Variants in WDR48 observed in about 807,000 individuals in gnomAD.
WDR48 encodes WD repeat-containing protein 48.
Under a neutral mutation model 94.0 loss-of-function variants are expected in WDR48, and 22 were observed. That is an observed-to-expected ratio of 0.23 (90% CI 0.17 to 0.33). WDR48 has a LOEUF of 0.33. WDR48 is among the 10% of genes least tolerant of loss of function. The pLI is 1.00. For synonymous variants in WDR48, 278 were observed against 280.5 expected (o/e 0.99, Z 0.09); for missense variants, 541 against 813.8 (o/e 0.66, Z 4.08).
chr3:39,071,273 C>A (rs1382607100), intron 7 of WDR48, among the ~76,000 whole-genome samples: 1 of 152,154 alleles, frequency 6.6e-6, no homozygotes, highest in Non-Finnish European at 1.5e-5. Flanking sequence ...ATTTTCTTAA[C>A]TGTAAGCCAG....
intron 17 of WDR48, among the ~76,000 whole-genome samples, chr3:39,093,597 A>G (rs1316334548): frequency 6.6e-6 from 1 of 152,182 alleles, no homozygotes; most frequent in Non-Finnish European, 1.5e-5. Flanking sequence ...TGGCCTCCCA[A>G]AGTGCTGAGA....
At chr3:39,064,714 A>G (rs550896766) in intron 2 of WDR48, among the ~76,000 whole-genome samples, 3 of 152,194 alleles carry the variant, frequency 2.0e-5, no homozygotes, top group African/African-American at 7.2e-5. Flanking sequence ...GTGTCTTTTT[A>G]GCAAGTTTTA....
At chr3:39,072,270 C>A (rs1014396675) in intron 7 of WDR48, among the ~76,000 whole-genome samples, 1 of 152,206 alleles carries the variant, frequency 6.6e-6, no homozygotes, top group Non-Finnish European at 1.5e-5. Flanking sequence ...GGCAGAGCCA[C>A]CTATCTTTTT....
Position 39,084,627 on chromosome 3 carries a change from A to G in WDR48, c.1282-18A>G. On this transcript the variant is annotated intron_variant, in intron 12 of 18. Coordinates refer to ENST00000302313, the MANE Select transcript of WDR48 (RefSeq NM_020839.4). ...AATATATTCAAATGGGATGCCACTA[A>G]GTTTTTTCTTTTGATAGATGTTAAC... 6.2e-7 allele frequency: 1 copy of G among 1,607,882 alleles called. No individual in the cohort carries two copies. Among genetic ancestry groups the G allele is most frequent in the Non-Finnish European group, 8.5e-7 (1 of 1,175,698 alleles).
Position 39,088,188 on chromosome 3 carries a change from A to G in WDR48, c.1535A>G (p.His512Arg), listed in dbSNP as rs753300311. 6.2e-7 allele frequency: 1 copy of G among 1,614,188 alleles called. No homozygotes were observed. Among genetic ancestry groups the G allele is most frequent in the South Asian group, 1.1e-5 (1 of 91,078 alleles). Reference protein sequence around the residue: ...KGNGYFQVPPHTPVIFGEAGG... With the variant: ...KGNGYFQVPPRTPVIFGEAGG... ...AATGGATATTTTCAAGTGCCCCCAC[A>G]TACACCCGTGATCTTTGGTGAAGCT... The change falls in exon 15 of 19, where the codon CAT becomes CGT. Residue 512 changes from histidine (H) to arginine (R), a missense_variant. Physicochemically the swap from His to Arg is conservative, Grantham distance 29. This residue lies in a region of WDR48 where 238 missense variants were observed against 285.3 expected (regional missense o/e 0.83). Transcript: ENST00000302313.
Position 39,089,258 on chromosome 3 carries a change from G to A in WDR48, c.1608G>A (p.Glu536=), listed in dbSNP as rs1361147037. 6.2e-7 allele frequency: 1 copy of A among 1,613,528 alleles called. No homozygotes were observed. The highest frequency in any genetic ancestry group is 2.2e-5 in the East Asian group (1 of 44,878). Residue 536 remains glutamate, a synonymous_variant, in exon 16 of 19, where the codon GAG becomes GAA. Transcript: ENST00000302313. ...FRLLCRDSGG[E]TESMLLNETV... ...TGCTCTGCCGAGATTCCGGGGGTGAGACTGAGTCTATGCTTCTTAATGAAA... is the reference window on the plus strand; with the variant it reads ...TGCTCTGCCGAGATTCCGGGGGTGAAACTGAGTCTATGCTTCTTAATGAAA...
intron 5 of WDR48, 78 bp from the exon 6 acceptor site, chr3:39,068,693 T>G: frequency 1.0e-6 from 1 of 978,160 alleles, no homozygotes; most frequent in Non-Finnish European, 1.6e-6. Context: ...CTAAATTGAA[T>G]AAACTTGCAG....
In WDR48 at chr3:39,088,062, A is replaced by G. The variant is rs925572257; in HGVS notation, c.1475-66A>G. The G allele has an allele frequency of 9.5e-6, 14 of 1,471,260 alleles. No individual in the cohort carries two copies. The African/African-American group carries it at 9.7e-5, about 10-fold the overall frequency. The allele number at this position is 1,471,260 out of a possible 1,614,324, so 91.1% of individuals were successfully genotyped here. On this transcript the variant is annotated intron_variant, in intron 14 of 18. Coordinates refer to ENST00000302313, the MANE Select transcript of WDR48 (RefSeq NM_020839.4). The stretch of plus-strand genomic sequence containing the variant: ...TGCAATGTTTGAAGCTTGTGGGAGT[A>G]AAATGTTTAGAATCTGTATTTTTAG...
chr3:39,095,229 C>T lies in WDR48; in HGVS notation c.*486C>T, dbSNP rs535553552. Reference sequence around the variant, plus strand: ...TCATATAAAGTAATCAAATTGTTTTCACCGTTTAAGACAGTTATTTTTAAT... The same window carrying T: ...TCATATAAAGTAATCAAATTGTTTTTACCGTTTAAGACAGTTATTTTTAAT... On this transcript the variant is annotated 3_prime_UTR_variant, in exon 19 of 19. Coordinates refer to ENST00000302313, the MANE Select transcript of WDR48 (RefSeq NM_020839.4). 144 of 157,222 alleles carry T rather than the reference C, an allele frequency of 9.2e-4. No individual in the cohort carries two copies. Among genetic ancestry groups the T allele is most frequent in the Non-Finnish European group, 1.5e-3 (106 of 70,900 alleles). The allele number at this position is 157,222 out of a possible 1,614,324, so 9.7% of individuals were successfully genotyped here. A position where few individuals can be genotyped will look rare whatever the true frequency, so the allele number is the denominator to read the frequency against.
chr3:39,052,285 G>A lies in WDR48; in HGVS notation c.48+212G>A, dbSNP rs1453958788. 3.3e-5 allele frequency: 17 copies of A among 520,496 alleles called. No individual in the cohort carries two copies. The East Asian group carries it at 5.1e-4, about 16-fold the overall frequency. 32.2% of individuals were successfully genotyped at this position (520,496 alleles called of 1,614,324 possible). On this transcript the variant is annotated intron_variant, in intron 1 of 18. Coordinates refer to ENST00000302313, the MANE Select transcript of WDR48 (RefSeq NM_020839.4). The stretch of plus-strand genomic sequence containing the variant: ...CTTGGCCCTTGGGGCCCAGGCCCGG[G>A]ACCCTCGTGGGCGGCATTCTGAGCC...
At chr3:39,090,070 C>T (rs2035004840) in intron 16 of WDR48, 1 of 152,156 alleles carries the variant, frequency 6.6e-6, no homozygotes, top group East Asian at 1.9e-4. Context: ...GCCAAATTGC[C>T]CTCCACAAAG....
chr3:39,075,347 C>A (rs937889659), intron 8 of WDR48, among the ~76,000 whole-genome samples: 2 of 151,902 alleles, frequency 1.3e-5, no homozygotes, highest in Admixed American at 6.6e-5. Context: ...CCTGAGCAGT[C>A]CTTAGGAAAA....
At position 39,057,325 on chromosome 3, in the gene WDR48, G is replaced by A. The variant is rs544573955; in HGVS notation, c.48+5252G>A. Among the ~76,000 whole-genome samples the A allele has an allele frequency of 1.7e-3, 262 of 152,302 alleles. 1 individual carries two copies. The highest frequency in any genetic ancestry group is 6.4e-3 in the South Asian group (31 of 4,822). On this transcript the variant is annotated intron_variant, in intron 1 of 18. Transcript: ENST00000302313. ...AGTTATAGGATAAGCACAATATTTAGAGAAATGCAGTTAACTATCCAGTAG... is the reference window on the plus strand; with the variant it reads ...AGTTATAGGATAAGCACAATATTTAAAGAAATGCAGTTAACTATCCAGTAG...
Position 39,069,116 on chromosome 3 carries a change from G to C in WDR48, c.570+257G>C, listed in dbSNP as rs537768125. Among the ~76,000 whole-genome samples, 113 of 151,964 alleles carry C rather than the reference G, an allele frequency of 7.4e-4. 1 individual carries two copies. The highest frequency in any genetic ancestry group is 1.3e-3 in the Non-Finnish European group (87 of 67,986). ...GGACCCCAGGCACACACCATCACGTGCATCAGGCCACTCCTTGTCCCATCT... is the reference window on the plus strand; with the variant it reads ...GGACCCCAGGCACACACCATCACGTCCATCAGGCCACTCCTTGTCCCATCT... On this transcript the variant is annotated intron_variant, in intron 6 of 18. Transcript: ENST00000302313.
intron 7 of WDR48, 97 bp from the exon 8 acceptor site, chr3:39,074,629 T>C (rs2034117865): frequency 1.4e-5 from 17 of 1,179,830 alleles, no homozygotes; most frequent in Non-Finnish European, 2.1e-5. Context: ...AATAGAGTCG[T>C]GTGTTTGACA....
chr3:39,086,894 C>T (rs1435580416), intron 14 of WDR48, among the ~76,000 whole-genome samples: 1 of 152,152 alleles, frequency 6.6e-6, no homozygotes, highest in African/African-American at 2.4e-5. Flanking sequence ...ATGGCTACTT[C>T]CTCATCCAGA....
chr3:39,085,068 A>G (rs2034741057), intron 13 of WDR48, among the ~76,000 whole-genome samples: 1 of 152,184 alleles, frequency 6.6e-6, no homozygotes, highest in South Asian at 2.1e-4. Flanking sequence ...TCTACTAAAA[A>G]TACAAAAAAT....
At chr3:39,061,994 G>A (rs1436254208) in intron 1 of WDR48, among the ~76,000 whole-genome samples, 1 of 152,138 alleles carries the variant, frequency 6.6e-6, no homozygotes, top group African/African-American at 2.4e-5. Context: ...TGTAGATTCT[G>A]TATATTAGCC....
At chr3:39,069,488 TC>T (rs1316454436) in intron 6 of WDR48, among the ~76,000 whole-genome samples, 154 bp from the exon 7 acceptor site, 2 of 152,206 alleles carry the variant, frequency 1.3e-5, no homozygotes, top group Non-Finnish European at 2.9e-5. Context: ...AAGGCCTAAT[TC>T]CCTGAGGTTG....
Sources: allele counts gnomAD v4.1 joint callset (sites outside exome capture counted in the v4.1 genomes callset), GRCh38; gene constraint gnomAD v4.1.1; regional missense constraint gnomAD v4.1.1; transcripts MANE v1.5; gene names NCBI Gene and HGNC (gene_info 2026-07-23, HGNC 2026-07-21).